Variants in AUTS2 observed in about 807,000 individuals in gnomAD.
AUTS2 encodes the protein autism susceptibility gene 2 protein.
AUTS2 carries 17 observed loss-of-function variants against 112.4 expected under a neutral mutation model. The ratio of observed to expected loss-of-function variants is 0.15; its 90% confidence interval spans 0.10 to 0.23. The LOEUF (loss-of-function observed/expected upper bound fraction) is 0.23. AUTS2 is among the 10% of genes least tolerant of loss of function. The probability of loss-of-function intolerance (pLI) is 1.00; values close to 1 mark genes in which losing one functional copy is unlikely to be tolerated. For synonymous variants in AUTS2, 751 were observed against 702.7 expected, an observed-to-expected ratio of 1.07 and a Z score of -1.09; for missense variants, 1,510 against 1,701.6, an observed-to-expected ratio of 0.89 and a Z score of 1.98.
chr7:70,454,783 C>A (rs79427011), intron 5 of AUTS2, among the ~76,000 whole-genome samples: 4 of 152,154 alleles, frequency 2.6e-5, no homozygotes, highest in Non-Finnish European at 4.4e-5. Flanking sequence ...TCTGAAGGTG[C>A]AGACCTCATC....
At chr7:69,720,951 G>A (rs747376040) in intron 1 of AUTS2, among the ~76,000 whole-genome samples, 2 of 152,136 alleles carry the variant, frequency 1.3e-5, no homozygotes, top group Admixed American at 6.5e-5. Flanking sequence ...TTGAGAAAGC[G>A]GTAGAAGATT....
At chr7:70,132,107 C>T (rs1414972374) in intron 3 of AUTS2, among the ~76,000 whole-genome samples, 1 of 143,194 alleles carries the variant, frequency 7.0e-6, no homozygotes, top group Non-Finnish European at 1.5e-5. Context: ...GGTTTTTCTA[C>T]ACATGTGTTT....
At chr7:70,719,361 A>G (rs1333629451) in intron 6 of AUTS2, among the ~76,000 whole-genome samples, 1 of 152,178 alleles carries the variant, frequency 6.6e-6, no homozygotes, top group African/African-American at 2.4e-5. Flanking sequence ...TCAAGGGCTC[A>G]ATAACAGGAG....
intron 2 of AUTS2, among the ~76,000 whole-genome samples, chr7:70,085,115 A>G (rs941132997): frequency 6.6e-6 from 1 of 152,064 alleles, no homozygotes; most frequent in Non-Finnish European, 1.5e-5. Flanking sequence ...GAGCTCAATC[A>G]ATCCTCCTGC....
chr7:70,558,855 C>T (rs1037123739), intron 5 of AUTS2, among the ~76,000 whole-genome samples: 4 of 152,200 alleles, frequency 2.6e-5, no homozygotes, highest in East Asian at 1.9e-4. Flanking sequence ...AGCCCAGGGA[C>T]AAGGGTCTTT....
At chr7:70,711,652 G>A (rs962199559) in intron 6 of AUTS2, among the ~76,000 whole-genome samples, 1 of 152,212 alleles carries the variant, frequency 6.6e-6, no homozygotes, top group Non-Finnish European at 1.5e-5. Context: ...TGACACCAGA[G>A]AATGACAGCT....
intron 2 of AUTS2, among the ~76,000 whole-genome samples, chr7:69,963,012 C>T (rs1797492886): frequency 1.3e-5 from 2 of 152,184 alleles, no homozygotes; most frequent in African/African-American, 4.8e-5. Flanking sequence ...GTTCCAACTA[C>T]AGCTGCAGTG....
intron 5 of AUTS2, among the ~76,000 whole-genome samples, chr7:70,548,924 AC>A (rs34014627): frequency 0.63 from 79,509 of 126,594 alleles, 22,549 homozygotes; most frequent in Admixed American, 0.68. Context: ...GTCAATTTCT[AC>A]CCCCCCCCCA....
At chr7:70,395,512 A>C (rs771016354) in intron 4 of AUTS2, among the ~76,000 whole-genome samples, 12 of 152,212 alleles carry the variant, frequency 7.9e-5, no homozygotes, top group African/African-American at 1.4e-4. Context: ...CCAACTGATA[A>C]AGGAAGGAAA....
intron 5 of AUTS2, among the ~76,000 whole-genome samples, chr7:70,502,291 G>C (rs985214145): frequency 6.6e-6 from 1 of 152,154 alleles, no homozygotes; most frequent in Non-Finnish European, 1.5e-5. Context: ...CGTATTAATG[G>C]CACACCTTCT....
At chr7:70,358,201 TG>T (rs1230344698) in intron 4 of AUTS2, among the ~76,000 whole-genome samples, 1 of 152,218 alleles carries the variant, frequency 6.6e-6, no homozygotes, top group Non-Finnish European at 1.5e-5. Flanking sequence ...GCCCTCACCC[TG>T]GTAACTTTTC....
intron 5 of AUTS2, among the ~76,000 whole-genome samples, chr7:70,488,657 G>T (rs1798114454): frequency 6.6e-6 from 1 of 152,060 alleles, no homozygotes. Flanking sequence ...GGGCCAGCCT[G>T]AATTGAGCCT....
intron 2 of AUTS2, among the ~76,000 whole-genome samples, chr7:69,902,430 A>G (rs1001734629): frequency 2.6e-5 from 4 of 152,200 alleles, no homozygotes; most frequent in African/African-American, 7.2e-5. Flanking sequence ...GAGCATTTCT[A>G]CATTAATGGA....
intron 4 of AUTS2, among the ~76,000 whole-genome samples, chr7:70,276,953 A>C (rs1325817290): frequency 6.6e-6 from 1 of 152,204 alleles, no homozygotes; most frequent in Admixed American, 6.5e-5. Flanking sequence ...GATGTGGGGA[A>C]GGGGATGTAA....
intron 1 of AUTS2, among the ~76,000 whole-genome samples, chr7:69,679,853 C>G (rs553919987): frequency 1.3e-5 from 2 of 152,016 alleles, no homozygotes; most frequent in African/African-American, 4.8e-5. Flanking sequence ...TTGAGTGTTG[C>G]CTTACTTGGT....
chr7:70,456,304 A>G (rs1216525664), intron 5 of AUTS2, among the ~76,000 whole-genome samples: 1 of 152,234 alleles, frequency 6.6e-6, no homozygotes, highest in African/African-American at 2.4e-5. Context: ...CTTTACTTAA[A>G]GGGAACTCTT....
intron 1 of AUTS2, among the ~76,000 whole-genome samples, chr7:69,821,495 G>A (rs1443887822): frequency 6.6e-6 from 1 of 152,132 alleles, no homozygotes; most frequent in Non-Finnish European, 1.5e-5. Context: ...ACCCCAGCCA[G>A]CGGTAGCAAT....
intron 4 of AUTS2, among the ~76,000 whole-genome samples, chr7:70,329,709 G>A (rs772803126): frequency 1.3e-5 from 2 of 150,178 alleles, no homozygotes; most frequent in Non-Finnish European, 3.0e-5. Flanking sequence ...CACTCTCTAG[G>A]TTGTCTTTTC....
chr7:70,016,482 G>T (rs915972708), intron 2 of AUTS2, among the ~76,000 whole-genome samples: 1 of 151,978 alleles, frequency 6.6e-6, no homozygotes, highest in East Asian at 1.9e-4. Flanking sequence ...CTGCCTCTGT[G>T]GTCTAAAGCC....
Sources: gnomAD v4.1 joint callset for allele counts (sites outside exome capture counted in the v4.1 genomes callset) on GRCh38, gnomAD v4.1.1 for gene constraint, MANE v1.5 for transcripts, NCBI Gene and HGNC (gene_info 2026-07-23, HGNC 2026-07-21) for gene names.